Variants in KIAA1328 observed in about 807,000 individuals in gnomAD.
KIAA1328 encodes the protein protein hinderin.
KIAA1328 carries 52 observed loss-of-function variants against 68.1 expected under a neutral mutation model. The observed-to-expected ratio is 0.76, with a 90% CI of 0.61 to 0.96. The LOEUF is 0.96. Ranked by LOEUF, KIAA1328 falls within the 40% of genes least tolerant of loss-of-function variation. The probability of loss-of-function intolerance (pLI) is 0.00; values close to 1 mark genes in which losing one functional copy is unlikely to be tolerated. For missense variants in KIAA1328, 641 were observed against 677.6 expected, an observed-to-expected ratio of 0.95 and a Z score of 0.60; for synonymous variants, 232 against 239.4, an observed-to-expected ratio of 0.97 and a Z score of 0.28.
chr18:37,167,692 T>C (rs72896183), intron 8 of KIAA1328, among the ~76,000 whole-genome samples: 15,793 of 152,008 alleles, frequency 0.1, 1,063 homozygotes, highest in Non-Finnish European at 0.13. Context: ...TTCTGTCCCT[T>C]CCTGCTAGGG....
At chr18:36,991,984 A>T (rs1190657726) in intron 6 of KIAA1328, among the ~76,000 whole-genome samples, 1 of 152,188 alleles carries the variant, frequency 6.6e-6, no homozygotes, top group Non-Finnish European at 1.5e-5. Flanking sequence ...AATGGCATCT[A>T]ATGGTGATTT....
intron 4 of KIAA1328, among the ~76,000 whole-genome samples, chr18:36,882,891 T>C (rs186686646): frequency 1.1e-4 from 16 of 152,278 alleles, no homozygotes; most frequent in Admixed American, 3.3e-4. Flanking sequence ...GCATTGTTTG[T>C]TGAAGAAAAA....
At chr18:37,031,355 A>T (rs986960363) in intron 6 of KIAA1328, among the ~76,000 whole-genome samples, 3 of 152,018 alleles carry the variant, frequency 2.0e-5, no homozygotes, top group Non-Finnish European at 4.4e-5. Context: ...TATTAGATTC[A>T]TTCAAATTTA....
chr18:36,904,833 C>A, intron 5 of KIAA1328, among the ~76,000 whole-genome samples: 1 of 151,574 alleles, frequency 6.6e-6, no homozygotes, highest in Middle Eastern at 3.4e-3. Context: ...TTAAAATTTT[C>A]TATTTTATCT....
chr18:36,937,507 T>C (rs2050547613), intron 5 of KIAA1328, among the ~76,000 whole-genome samples: 1 of 151,872 alleles, frequency 6.6e-6, no homozygotes, highest in South Asian at 2.1e-4. Flanking sequence ...TTAAACAAAT[T>C]TACAAGAAAA....
chr18:37,015,726 A>T (rs1392214672), intron 6 of KIAA1328, among the ~76,000 whole-genome samples: 1 of 152,070 alleles, frequency 6.6e-6, no homozygotes, highest in East Asian at 1.9e-4. Flanking sequence ...TCTTGGCTAG[A>T]TGTATTCCTA....
At chr18:36,919,508 TAGTGTTGCGAGGAACATAG>T (rs1169912147) in intron 5 of KIAA1328, among the ~76,000 whole-genome samples, 1 of 152,212 alleles carries the variant, frequency 6.6e-6, no homozygotes, top group African/African-American at 2.4e-5. Context: ...CTACTGTGAA[TAGTGTTGCGAGGAACATAG>T]AGTGTTGCAA....
chr18:37,124,159 G>C lies in KIAA1328; in HGVS notation c.1233-36041G>C, dbSNP rs77720470. Among the ~76,000 whole-genome samples, 821 of 152,252 alleles carry C rather than the reference G, an allele frequency of 5.4e-3. 4 individuals are homozygous for C. The highest frequency in any genetic ancestry group is 7.8e-3 in the Non-Finnish European group (531 of 68,010). On this transcript the variant is annotated intron_variant, in intron 7 of 9. Coordinates refer to ENST00000280020, the MANE Select transcript of KIAA1328 (RefSeq NM_020776.3). Reference sequence around the variant, plus strand: ...TGACTAAATACTAAGGTTGCAAAATGCTAAGCTAAGACAAAATGCAGAATA... The same window carrying C: ...TGACTAAATACTAAGGTTGCAAAATCCTAAGCTAAGACAAAATGCAGAATA...
chr18:36,865,761 T>C (rs564961359), intron 4 of KIAA1328, among the ~76,000 whole-genome samples: 14 of 152,280 alleles, frequency 9.2e-5, no homozygotes, highest in African/African-American at 3.4e-4. Context: ...TCTGTCTAAA[T>C]GCCCTCCTTA....
At chr18:37,210,062 C>T (rs1279900723) in intron 9 of KIAA1328, among the ~76,000 whole-genome samples, 1 of 151,802 alleles carries the variant, frequency 6.6e-6, no homozygotes, top group Non-Finnish European at 1.5e-5. Context: ...CACAAAAAAT[C>T]AAAAAAGGAA....
intron 5 of KIAA1328, among the ~76,000 whole-genome samples, chr18:36,886,797 G>A (rs1433988513): frequency 6.6e-6 from 1 of 152,220 alleles, no homozygotes; most frequent in Non-Finnish European, 1.5e-5. Flanking sequence ...CAAAGATTCT[G>A]CAAATGTCGA....
chr18:37,084,480 T>TC (rs1264217558), intron 7 of KIAA1328: 1 of 228,526 alleles, frequency 4.4e-6, no homozygotes, highest in Non-Finnish European at 8.3e-6. Context: ...TTTTTTGTTT[T>TC]TTTTTTTTTT....
intron 9 of KIAA1328, among the ~76,000 whole-genome samples, chr18:37,176,936 ACACT>A (rs970380792): frequency 3.3e-5 from 5 of 152,216 alleles, no homozygotes; most frequent in African/African-American, 1.2e-4. Flanking sequence ...GAAATATATA[ACACT>A]CAAAGCAAAA....
intron 7 of KIAA1328, among the ~76,000 whole-genome samples, chr18:37,097,827 T>G (rs1236205733): frequency 2.0e-5 from 3 of 152,222 alleles, no homozygotes; most frequent in African/African-American, 7.2e-5. Context: ...TTTTATTCTC[T>G]TTGAAGCAAT....
chr18:37,010,441 T>TGAAAAAAA (rs2053937436), intron 6 of KIAA1328, among the ~76,000 whole-genome samples: 1 of 90,308 alleles, frequency 1.1e-5, no homozygotes, highest in Non-Finnish European at 2.0e-5. Flanking sequence ...AGACACCATC[T>TGAAAAAAA]AAAAAAAAAA....
At chr18:36,928,139 T>C (rs2050187750) in intron 5 of KIAA1328, among the ~76,000 whole-genome samples, 1 of 152,172 alleles carries the variant, frequency 6.6e-6, no homozygotes, top group Non-Finnish European at 1.5e-5. Flanking sequence ...ATATCAGTGT[T>C]GCTTTCTGTT....
chr18:37,156,493 C>A (rs1194862854), intron 7 of KIAA1328, among the ~76,000 whole-genome samples: 1 of 150,378 alleles, frequency 6.6e-6, no homozygotes, highest in East Asian at 2.0e-4. Flanking sequence ...ATACCCAGCA[C>A]CTAGCATAAA....
intron 7 of KIAA1328, among the ~76,000 whole-genome samples, chr18:37,077,603 C>G (rs764342923): frequency 6.6e-6 from 1 of 151,940 alleles, no homozygotes; most frequent in Non-Finnish European, 1.5e-5. Flanking sequence ...AGCCCAAAAT[C>G]TCCTTAAGCT....
At chr18:36,869,926 G>A (rs936542699) in intron 4 of KIAA1328, among the ~76,000 whole-genome samples, 1 of 151,872 alleles carries the variant, frequency 6.6e-6, no homozygotes, top group Non-Finnish European at 1.5e-5. Context: ...GCAATGGCGC[G>A]ATCTGGGCTC....
Sources: allele counts gnomAD v4.1 joint callset (sites outside exome capture counted in the v4.1 genomes callset), GRCh38; gene constraint gnomAD v4.1.1; transcripts MANE v1.5; gene names NCBI Gene and HGNC (gene_info 2026-07-23, HGNC 2026-07-21).